The following ZMYND11 variants were observed in gnomAD, a reference collection of about 807,000 sequenced individuals.
ZMYND11 encodes the protein zinc finger MYND domain-containing protein 11.
In ZMYND11, 9 loss-of-function variants were observed where a neutral mutation model predicts 84.9. The ratio of observed to expected loss-of-function variants is 0.11; its 90% CI spans 0.06 to 0.18. The LOEUF is 0.18. Among genes scored for constraint, ZMYND11 ranks in the 10% least tolerant of loss-of-function variants. The probability of loss-of-function intolerance (pLI) is 1.00; values close to 1 mark genes in which losing one functional copy is unlikely to be tolerated. For synonymous variants in ZMYND11, 250 were observed against 244.1 expected, an observed-to-expected ratio of 1.02 and a Z score of -0.23; for missense variants, 409 against 761.0, an observed-to-expected ratio of 0.54 and a Z score of 5.44.
chr10:237,537 C>T lies in ZMYND11; in HGVS notation c.517-48C>T, dbSNP rs182136342. 24 of 1,190,334 alleles carry T rather than the reference C, an allele frequency of 2.0e-5. No homozygotes were observed. The African/African-American group carries it at 3.1e-4, about 15-fold the overall frequency. The allele number at this position is 1,190,334 out of a possible 1,614,324, so 73.7% of individuals were successfully genotyped here. ...TGAGCTTTAGGAATTGATGTCTTAC[C>T]TGCCTTCCTTTAACCACATTTAAAT... On this transcript the variant is annotated intron_variant, in intron 5 of 14. Transcript: ENST00000381604.
intron 10 of ZMYND11, among the ~76,000 whole-genome samples, chr10:246,110 A>T (rs1278334262): frequency 2.1e-4 from 32 of 152,188 alleles, no homozygotes; most frequent in Non-Finnish European, 4.4e-4. Context: ...AACAGAAGCA[A>T]ATGTAGTTGT....
At chr10:157,347 A>G (rs1841950992) in intron 1 of ZMYND11, among the ~76,000 whole-genome samples, 1 of 152,088 alleles carries the variant, frequency 6.6e-6, no homozygotes, top group Admixed American at 6.6e-5. Context: ...TTATAGGTGC[A>G]TGCCACCACA....
chr10:215,364 C>A (rs967656617), intron 3 of ZMYND11, among the ~76,000 whole-genome samples: 1 of 151,792 alleles, frequency 6.6e-6, no homozygotes, highest in African/African-American at 2.4e-5. Context: ...TACTTACCTA[C>A]CAGGTTTGGT....
intron 4 of ZMYND11, among the ~76,000 whole-genome samples, chr10:227,729 C>T (rs1948367786): frequency 6.6e-6 from 1 of 152,112 alleles, no homozygotes; most frequent in Non-Finnish European, 1.5e-5. Flanking sequence ...ATACTTTGAA[C>T]ATAAATTCCT....
intron 1 of ZMYND11, among the ~76,000 whole-genome samples, chr10:170,458 G>A (rs536306829): frequency 3.0e-4 from 37 of 123,900 alleles, no homozygotes; most frequent in African/African-American, 1.1e-3. Context: ...GTGTGTGTGC[G>A]TGCTTATGGG....
At chr10:137,066 CAT>C (rs1417062550) in intron 1 of ZMYND11, among the ~76,000 whole-genome samples, 1 of 152,090 alleles carries the variant, frequency 6.6e-6, no homozygotes, top group Non-Finnish European at 1.5e-5. Flanking sequence ...TACCCAATGT[CAT>C]ATGCCATGCA....
intron 4 of ZMYND11, among the ~76,000 whole-genome samples, chr10:226,266 C>T (rs1948107151): frequency 6.6e-6 from 1 of 152,108 alleles, no homozygotes; most frequent in South Asian, 2.1e-4. Context: ...CAGACACTGC[C>T]CTGCACAGAT....
At chr10:178,768 C>G (rs1847209003) in intron 1 of ZMYND11, among the ~76,000 whole-genome samples, 1 of 152,118 alleles carries the variant, frequency 6.6e-6, no homozygotes, top group Admixed American at 6.5e-5. Context: ...AAAATGTATT[C>G]TGATGGTGGT....
At position 240,778 on chromosome 10, in the gene ZMYND11, A is replaced by G. The variant is rs1219696691; in HGVS notation, c.754-115A>G. 6.1e-6 allele frequency: 5 copies of G among 814,156 alleles called. No individual in the cohort carries two copies. The East Asian group carries it at 1.4e-4, about 23-fold the overall frequency. 50.4% of individuals were successfully genotyped at this position (814,156 alleles called of 1,614,324 possible). A position where few individuals can be genotyped will look rare whatever the true frequency, so the allele number is the denominator to read the frequency against. ...AAAATTTAGGCTTAAAAGATTAAGA[A>G]ACAAAATTCAACACTATTTATATAC... is the stretch of plus-strand genomic sequence containing the variant. On this transcript the variant is annotated intron_variant, in intron 8 of 14. Coordinates refer to ENST00000381604, the MANE Select transcript of ZMYND11 (RefSeq NM_001370100.5).
At chr10:179,935 T>A (rs552285148) in intron 1 of ZMYND11, 59 bp from the exon 2 acceptor site, 2 of 1,020,432 alleles carry the variant, frequency 2.0e-6, no homozygotes, top group Non-Finnish European at 3.0e-6. Context: ...TACTCACTTA[T>A]ACTGATAATT....
At chr10:165,065 T>C (rs1052628624) in intron 1 of ZMYND11, among the ~76,000 whole-genome samples, 5 of 152,138 alleles carry the variant, frequency 3.3e-5, no homozygotes, top group Non-Finnish European at 7.4e-5. Flanking sequence ...CCTCCTTTAC[T>C]TTTGTCAGTC....
At chr10:173,434 A>G (rs961897767) in intron 1 of ZMYND11, among the ~76,000 whole-genome samples, 2 of 152,216 alleles carry the variant, frequency 1.3e-5, no homozygotes, top group Non-Finnish European at 2.9e-5. Flanking sequence ...GTCTAACATT[A>G]AATAATAAGA....
chr10:157,086 A>G (rs1841885521), intron 1 of ZMYND11, among the ~76,000 whole-genome samples: 1 of 152,238 alleles, frequency 6.6e-6, no homozygotes, highest in South Asian at 2.1e-4. Flanking sequence ...GATGCCTAGC[A>G]CTTGGCAATT....
intron 6 of ZMYND11, among the ~76,000 whole-genome samples, chr10:238,096 CA>C (rs921188798): frequency 4.6e-5 from 7 of 151,774 alleles, no homozygotes; most frequent in Admixed American, 2.6e-4. Context: ...ATAAAATGAA[CA>C]AAAAAAATTA....
chr10:134,238 T>A (rs904212573), upstream of ZMYND11, among the ~76,000 whole-genome samples: 3 of 152,188 alleles, frequency 2.0e-5, no homozygotes, highest in Non-Finnish European at 2.9e-5. Flanking sequence ...TAGTAAAAGT[T>A]ATGAGAATGC....
chr10:182,856 ACT>A (rs1848167342), intron 2 of ZMYND11, among the ~76,000 whole-genome samples: 1 of 151,120 alleles, frequency 6.6e-6, no homozygotes, highest in Non-Finnish European at 1.5e-5. Flanking sequence ...CCTATTCTGT[ACT>A]CTCGGTAGGT....
At chr10:223,032 CTTTTTT>C (rs11362687) in intron 4 of ZMYND11, among the ~76,000 whole-genome samples, 1 of 144,136 alleles carries the variant, frequency 6.9e-6, no homozygotes, top group Admixed American at 6.9e-5. Flanking sequence ...TTCCTTTACT[CTTTTTT>C]TTTTTTTCTG....
intron 10 of ZMYND11, among the ~76,000 whole-genome samples, chr10:242,744 G>A (rs1406381934): frequency 6.6e-6 from 1 of 152,128 alleles, no homozygotes; most frequent in African/African-American, 2.4e-5. Flanking sequence ...CATGCCAGGA[G>A]GTTATTAGTG....
At chr10:202,343 T>C (rs1466686727) in intron 2 of ZMYND11, among the ~76,000 whole-genome samples, 1 of 152,160 alleles carries the variant, frequency 6.6e-6, no homozygotes, top group Non-Finnish European at 1.5e-5. Context: ...AACATAACAA[T>C]ATATATTTTT....
Sources: gnomAD v4.1 joint callset for allele counts (sites outside exome capture counted in the v4.1 genomes callset) on GRCh38, gnomAD v4.1.1 for gene constraint, MANE v1.5 for transcripts, NCBI Gene and HGNC (gene_info 2026-07-23, HGNC 2026-07-21) for gene names.